The following AJAP1 variants were observed in gnomAD, a reference collection of about 807,000 sequenced individuals.
The protein encoded by AJAP1 is adherens junctions associated protein 1.
A neutral mutation model predicts 35.0 loss-of-function variants in AJAP1; 5 were observed. The observed-to-expected ratio is 0.14, with a 90% CI of 0.07 to 0.30. The LOEUF (loss-of-function observed/expected upper bound fraction) is 0.30, where lower values mean the gene tolerates loss of function less well. Ranked by LOEUF, AJAP1 falls within the 10% of genes least tolerant of loss-of-function variation. The probability of loss-of-function intolerance (pLI) is 1.00; values close to 1 mark genes in which losing one functional copy is unlikely to be tolerated. For missense variants in AJAP1, 586 were observed against 571.0 expected, an observed-to-expected ratio of 1.03 and a Z score of -0.27; for synonymous variants, 284 against 249.3, an observed-to-expected ratio of 1.14 and a Z score of -1.31.
chr1:4,776,615 G>A (rs1036480065), intron 5 of AJAP1, among the ~76,000 whole-genome samples: 2 of 152,164 alleles, frequency 1.3e-5, no homozygotes, highest in Non-Finnish European at 2.9e-5. Flanking sequence ...GAAAACCTTC[G>A]TGTCTCATCA....
intron 2 of AJAP1, among the ~76,000 whole-genome samples, chr1:4,741,586 G>A (rs952433221): frequency 1.3e-5 from 2 of 152,214 alleles, no homozygotes; most frequent in South Asian, 2.1e-4. Context: ...TTGGGGACAC[G>A]TTTTTCATTT....
At chr1:4,708,576 C>T (rs1180760693) in intron 1 of AJAP1, among the ~76,000 whole-genome samples, 2 of 152,336 alleles carry the variant, frequency 1.3e-5, no homozygotes, top group Admixed American at 6.5e-5. Flanking sequence ...ATCTCAGAGC[C>T]GCCCAAGGGA....
Position 4,712,318 on chromosome 1 carries a change from G to A in AJAP1, c.448G>A (p.Ala150Thr), listed in dbSNP as rs774900566. The change falls in exon 2 of 6, where the codon GCC (alanine) becomes ACC (threonine). Residue 150 changes from alanine to threonine, a missense_variant. Transcript: ENST00000378191. The part of the protein sequence containing the change: ...AVAGGAPEQQ[A>T]LLRRGKRHLQ... The stretch of plus-strand genomic sequence containing the variant: ...GGCCGGTGGGGCCCCGGAGCAGCAG[G>A]CCCTCCTGAGGAGGGGCAAGAGGCA... 8 of 1,487,596 alleles carry A rather than the reference G, an allele frequency of 5.4e-6. No individual in the cohort carries two copies. The African/African-American group carries it at 8.4e-5, about 16-fold the overall frequency. The allele number at this position is 1,487,596 out of a possible 1,614,324, so 92.1% of individuals were successfully genotyped here. A position where few individuals can be genotyped will look rare whatever the true frequency, so the allele number is the denominator to read the frequency against.
At chr1:4,748,661 T>C (rs1200386660) in intron 2 of AJAP1, among the ~76,000 whole-genome samples, 2 of 148,312 alleles carry the variant, frequency 1.3e-5, no homozygotes, top group Admixed American at 1.4e-4. Context: ...GGCAGGAGAA[T>C]CGCTTAAACT....
rs950850842 is a variant in AJAP1, at chr1:4,734,742, G to A, written c.829+22043G>A. Among the ~76,000 whole-genome samples, 1 of 152,158 alleles carries A rather than the reference G, an allele frequency of 6.6e-6. No homozygotes were observed. Among genetic ancestry groups the A allele is most frequent in the Non-Finnish European group, 1.5e-5 (1 of 68,022 alleles). On this transcript the variant is annotated intron_variant, in intron 2 of 5. Coordinates refer to ENST00000378191, the MANE Select transcript of AJAP1 (RefSeq NM_018836.4). This position sits in a 1 kb window ranked among gnomAD's most constrained non-coding sequence, Gnocchi z 4.3. ...GTCTTTCGGGTGTTCTTGGAAGGAA[G>A]GAGAAGGGCAGCACCCAAGAGGGGT...
intron 1 of AJAP1, among the ~76,000 whole-genome samples, chr1:4,668,700 A>G (rs958965908): frequency 6.6e-6 from 1 of 152,050 alleles, no homozygotes; most frequent in Admixed American, 6.5e-5. Flanking sequence ...GGGCTCATCC[A>G]TCTCTGTTTC....
chr1:4,710,125 G>C (rs541052480), intron 1 of AJAP1, among the ~76,000 whole-genome samples: 8 of 151,462 alleles, frequency 5.3e-5, no homozygotes. Flanking sequence ...GGGACACACA[G>C]ATACAGTTGC....
At chr1:4,727,116 G>A (rs1402165845) in intron 2 of AJAP1, among the ~76,000 whole-genome samples, 3 of 152,228 alleles carry the variant, frequency 2.0e-5, no homozygotes, top group South Asian at 2.1e-4. Context: ...TCATCAGCTC[G>A]GAGCTGGGGC....
At chr1:4,667,209 A>G (rs1038262541) in intron 1 of AJAP1, among the ~76,000 whole-genome samples, 1 of 152,246 alleles carries the variant, frequency 6.6e-6, no homozygotes, top group South Asian at 2.1e-4. Context: ...GTCAGTTGCC[A>G]TGATTCCCAG....
At chr1:4,694,343 C>T (rs1639810909) in intron 1 of AJAP1, among the ~76,000 whole-genome samples, 1 of 152,214 alleles carries the variant, frequency 6.6e-6, no homozygotes, top group African/African-American at 2.4e-5. Flanking sequence ...GAGCCCTGCA[C>T]AGCAAGTATT....
chr1:4,730,741 G>A (rs975017712), intron 2 of AJAP1, among the ~76,000 whole-genome samples: 1 of 152,100 alleles, frequency 6.6e-6, no homozygotes, highest in African/African-American at 2.4e-5. Flanking sequence ...GGCCCTGCCT[G>A]GGCCAGCATT....
At position 4,783,479 on chromosome 1, in the gene AJAP1, A is replaced by G. The variant is rs1248643656; in HGVS notation, c.*994A>G. On this transcript the variant is annotated 3_prime_UTR_variant, in exon 6 of 6. Transcript: ENST00000378191. The stretch of plus-strand genomic sequence containing the variant: ...GTTTTATATATGTGTGTGTATATAT[A>G]TATATATATATATATATATATATAT... 20 of 53,230 alleles carry G rather than the reference A, an allele frequency of 3.8e-4. 1 individual carries two copies. Among genetic ancestry groups the G allele is most frequent in the South Asian group, 1.3e-3 (3 of 2,316 alleles). 3.3% of individuals were successfully genotyped at this position (53,230 alleles called of 1,614,324 possible). A position where few individuals can be genotyped will look rare whatever the true frequency, so the allele number is the denominator to read the frequency against.
intron 2 of AJAP1, among the ~76,000 whole-genome samples, chr1:4,740,721 G>A (rs368070739): frequency 8.2e-5 from 11 of 134,078 alleles, no homozygotes; most frequent in African/African-American, 2.8e-4. Context: ...GGGAGGAGGA[G>A]CTTACAGTGA....
chr1:4,714,132 C>G (rs923141642), intron 2 of AJAP1, among the ~76,000 whole-genome samples: 6 of 152,310 alleles, frequency 3.9e-5, no homozygotes, highest in Middle Eastern at 3.4e-3. Context: ...CTCCTCTTCC[C>G]TAGAGAGCAA....
chr1:4,747,616 A>G (rs1641218768), intron 2 of AJAP1, among the ~76,000 whole-genome samples: 1 of 152,218 alleles, frequency 6.6e-6, no homozygotes, highest in East Asian at 1.9e-4. Context: ...ACTGCGTGCC[A>G]TCCACACATA....
At chr1:4,690,592 T>C (rs540984058) in intron 1 of AJAP1, among the ~76,000 whole-genome samples, 15 of 152,196 alleles carry the variant, frequency 9.9e-5, no homozygotes, top group Non-Finnish European at 1.9e-4. Flanking sequence ...CCCACTTTTA[T>C]TGGGTGTCAC....
chr1:4,757,495 C>T (rs976497105), intron 2 of AJAP1, among the ~76,000 whole-genome samples: 1 of 152,184 alleles, frequency 6.6e-6, no homozygotes, highest in African/African-American at 2.4e-5. Flanking sequence ...CAACACTGGC[C>T]CAGCCCACAG....
chr1:4,665,425 C>CCAAA (rs1364405734), intron 1 of AJAP1, among the ~76,000 whole-genome samples: 4 of 152,144 alleles, frequency 2.6e-5, no homozygotes, highest in Non-Finnish European at 5.9e-5. Flanking sequence ...TGGAGGGTCT[C>CCAAA]TTTGAACACT....
At chr1:4,669,270 T>A (rs909148609) in intron 1 of AJAP1, among the ~76,000 whole-genome samples, 11 of 152,232 alleles carry the variant, frequency 7.2e-5, no homozygotes, top group Non-Finnish European at 1.2e-4. Flanking sequence ...TGGCCTGTTT[T>A]GGACATTTTA....
Sources: gnomAD v4.1 joint callset for allele counts (sites outside exome capture counted in the v4.1 genomes callset) on GRCh38, gnomAD v4.1.1 for gene constraint, Gnocchi (gnomAD v3.1) non-coding constraint, MANE v1.5 for transcripts, NCBI Gene and HGNC (gene_info 2026-07-23, HGNC 2026-07-21) for gene names.